The following SYNE1 variants were observed in gnomAD, a reference collection of about 807,000 sequenced individuals.
The protein encoded by SYNE1 is nesprin-1.
A neutral mutation model predicts 1,111.0 loss-of-function variants in SYNE1; 616 were observed. That is an observed-to-expected ratio of 0.55 (90% confidence interval 0.52 to 0.59). SYNE1 has a LOEUF of 0.59. SYNE1 is among the 20% of genes least tolerant of loss of function. SYNE1 has a pLI of 0.00. For missense variants in SYNE1, 10,006 were observed against 10,417.0 expected, an observed-to-expected ratio of 0.96 and a Z score of 1.72; for synonymous variants, 3,855 against 3,825.8, an observed-to-expected ratio of 1.01 and a Z score of -0.28.
chr6:152,537,500 A>G (rs9322377), intron 4 of SYNE1, among the ~76,000 whole-genome samples: 47,852 of 151,836 alleles, frequency 0.32, 7,865 homozygotes, highest in East Asian at 0.45. Context: ...GTTTTAAAAA[A>G]CAGATTGCAA....
chr6:152,459,980 ACT>A (rs34430501), intron 21 of SYNE1, among the ~76,000 whole-genome samples: 8,958 of 152,176 alleles, frequency 0.059, 880 homozygotes, highest in African/African-American at 0.2. Flanking sequence ...CTGCAACAAG[ACT>A]CTGATATAAT....
In SYNE1 at chr6:152,339,300, C is replaced by A; in HGVS notation, c.12292G>T (p.Asp4098Tyr). The change falls in exon 75 of 146, where the codon GAC becomes TAC. Residue 4098 changes from aspartate (D) to tyrosine (Y), a missense_variant. By Grantham distance (160) the Asp-to-Tyr change is radical. This residue lies in a region of SYNE1 where 4,955 missense variants were observed against 5,017.2 expected (regional missense o/e 0.99). Transcript: ENST00000367255. Reference sequence around the variant, plus strand: ...GTTTTCACCGAAGCATTTGACAGGTCACACATGGAGCAAAGGAGATCTAGG... The same window carrying A: ...GTTTTCACCGAAGCATTTGACAGGTAACACATGGAGCAAAGGAGATCTAGG... ...TYLDLLCSMC[D>Y]LSNASVKTTA... The A allele has an allele frequency of 6.2e-7, 1 of 1,614,024 alleles. No individual in the cohort carries two copies. The highest frequency in any genetic ancestry group is 1.1e-5 in the South Asian group (1 of 91,060).
At chr6:152,173,065 A>G (rs1304763816) in intron 130 of SYNE1, among the ~76,000 whole-genome samples, 1 of 152,244 alleles carries the variant, frequency 6.6e-6, no homozygotes, top group East Asian at 1.9e-4. Flanking sequence ...ACACTAGAAC[A>G]TTATTCACTG....
At chr6:152,568,906 CAAT>C (rs2099429815) in intron 3 of SYNE1, among the ~76,000 whole-genome samples, 2 of 152,182 alleles carry the variant, frequency 1.3e-5, no homozygotes, top group Non-Finnish European at 2.9e-5. Context: ...ATTTAAAAAA[CAAT>C]GAGATAAGCA....
chr6:152,558,484 A>G (rs1445619259), intron 3 of SYNE1, among the ~76,000 whole-genome samples: 1 of 152,206 alleles, frequency 6.6e-6, no homozygotes, highest in Non-Finnish European at 1.5e-5. Flanking sequence ...GTCTGAAAGT[A>G]AAGTTATGGA....
At chr6:152,260,526 T>C (rs561347359) in intron 101 of SYNE1, among the ~76,000 whole-genome samples, 10 of 152,126 alleles carry the variant, frequency 6.6e-5, no homozygotes, top group Non-Finnish European at 1.3e-4. Context: ...AGAAGCCTCC[T>C]GGCCAGAGAG....
intron 133 of SYNE1, among the ~76,000 whole-genome samples, chr6:152,154,526 T>C (rs2061016358): frequency 6.6e-6 from 1 of 151,744 alleles, no homozygotes; most frequent in Non-Finnish European, 1.5e-5. Context: ...ATGTGGAAGG[T>C]AGATTTTTAT....
At chr6:152,189,457 T>C (rs2071555043) in intron 127 of SYNE1, 50 bp from the exon 128 acceptor site, 1 of 1,590,862 alleles carries the variant, frequency 6.3e-7, no homozygotes, top group Non-Finnish European at 8.6e-7. Flanking sequence ...CTGCCAATGA[T>C]TTCTGAAGTG....
intron 3 of SYNE1, among the ~76,000 whole-genome samples, chr6:152,606,773 A>G (rs6909589): frequency 0.11 from 14,882 of 139,722 alleles, 799 homozygotes; most frequent in African/African-American, 0.17. Context: ...TCAGCCTCCC[A>G]AGTGGCTGGG....
intron 87 of SYNE1, among the ~76,000 whole-genome samples, chr6:152,312,291 C>T (rs1171456418): frequency 6.7e-6 from 1 of 149,112 alleles, no homozygotes; most frequent in Non-Finnish European, 1.5e-5. Context: ...CTCACTGCAA[C>T]CTGCATCTCC....
Position 152,122,273 on chromosome 6 carries a change from C to T in SYNE1, c.*163G>A. 1 of 1,081,282 alleles carries T rather than the reference C, an allele frequency of 9.2e-7. No homozygotes were observed. The allele number at this position is 1,081,282 out of a possible 1,614,324, so 67.0% of individuals were successfully genotyped here. ...TTCCCCCGTCACTGTTTATCTTCCA[C>T]CTCTGAAGCCATAATTTGCACACAT... On this transcript the variant is annotated 3_prime_UTR_variant, in exon 146 of 146. Coordinates refer to ENST00000367255, the MANE Select transcript of SYNE1 (RefSeq NM_182961.4).
chr6:152,308,382 T>C (rs1171223395), intron 91 of SYNE1, 107 bp downstream of exon 91: 55 of 1,515,234 alleles, frequency 3.6e-5, no homozygotes, highest in Non-Finnish European at 4.8e-5. Flanking sequence ...TTGAACACAT[T>C]AAGTGCAGGA....
chr6:152,501,736 C>T (rs887206545), intron 10 of SYNE1, among the ~76,000 whole-genome samples: 7 of 90,074 alleles, frequency 7.8e-5, no homozygotes, highest in African/African-American at 2.8e-4. Context: ...CTCCATCTCA[C>T]AAAAAAAAAA....
intron 15 of SYNE1, 53 bp downstream of exon 15, chr6:152,472,248 G>T: frequency 2.8e-6 from 4 of 1,408,890 alleles, no homozygotes; most frequent in South Asian, 1.2e-5. Flanking sequence ...TATAAAAAGC[G>T]TCCACCTAGT....
chr6:152,484,926 A>G lies in SYNE1; in HGVS notation c.1094T>C (p.Ile365Thr), dbSNP rs2098931353. The G allele has an allele frequency of 1.9e-6, 3 of 1,613,542 alleles. No individual in the cohort carries two copies. Among genetic ancestry groups the G allele is most frequent in the East Asian group, 2.2e-5 (1 of 44,830 alleles). The change falls in exon 13 of 146, where the codon ATT (isoleucine) becomes ACT (threonine). Residue 365 changes from isoleucine to threonine, a missense_variant. Ile to Thr is a moderately conservative substitution (Grantham distance 89). Coordinates refer to ENST00000367255, the MANE Select transcript of SYNE1 (RefSeq NM_182961.4). ...RVQYEMKRKQ[I>T]EHLIQPLHRD... The stretch of plus-strand genomic sequence containing the variant: ...GTGTAATGGTTGTATTAAATGTTCA[A>G]TCTGTTTCCTCTTCATTTCATATTG...
intron 18 of SYNE1, among the ~76,000 whole-genome samples, chr6:152,464,571 A>T (rs945993704): frequency 3.2e-4 from 48 of 152,222 alleles, no homozygotes; most frequent in African/African-American, 1.1e-3. Flanking sequence ...TAGATGAACC[A>T]ATCTTGGATG....
rs1178983175 is a variant in SYNE1, at chr6:152,221,002, C to T, written c.21701G>A (p.Ser7234Asn). ...LEEIAEQLQS[S>N]KALLQLWQRY... ...TTGCCAAAGCTGAAGTAGGGCCTTG[C>T]TGGACTGTAGCTGCTCAGCAATCTC... The change falls in exon 119 of 146, where the codon AGC becomes AAC. Residue 7234 changes from serine to asparagine, a missense_variant. Ser to Asn is a conservative substitution (Grantham distance 46, BLOSUM62 1). Transcript: ENST00000367255. 4 of 1,613,994 alleles carry T rather than the reference C, an allele frequency of 2.5e-6. No individual in the cohort carries two copies. The highest frequency in any genetic ancestry group is 3.4e-6 in the Non-Finnish European group (4 of 1,179,994).
In SYNE1 at chr6:152,284,610, A is replaced by ATTT. The variant is rs760978831; in HGVS notation, c.18013-441_18013-439dup. Among the ~76,000 whole-genome samples the ATTT allele has an allele frequency of 1.1e-3, 115 of 108,138 alleles. 1 individual carries two copies. Among genetic ancestry groups the ATTT allele is most frequent in the African/African-American group, 3.2e-3 (90 of 27,808 alleles). 70.9% of individuals were successfully genotyped at this position (108,138 alleles called of 152,430 possible). On this transcript the variant is annotated intron_variant, in intron 95 of 145. Transcript: ENST00000367255. ...CTGGTGTGTGCTACCACACCTGGTA[A>ATTT]TTTTTTTTTTTTTTTTTTTTTTTTT...
rs537054869 is a variant in SYNE1 at position 152,442,555 on chromosome 6, A to G, written c.3838-310T>C. ...AGTCTGGCAAAACAATTCATCTGAC[A>G]TGATTCTTCTTAAATAATTATTTTC... On this transcript the variant is annotated intron_variant, in intron 30 of 145. Coordinates refer to ENST00000367255, the MANE Select transcript of SYNE1 (RefSeq NM_182961.4). 1.5e-3 allele frequency among the ~76,000 whole-genome samples: 227 copies of G among 152,370 alleles called. 1 individual carries two copies. The highest frequency in any genetic ancestry group is 2.8e-3 in the Non-Finnish European group (191 of 68,034).
Sources: allele counts gnomAD v4.1 joint callset (sites outside exome capture counted in the v4.1 genomes callset), GRCh38; gene constraint gnomAD v4.1.1; regional missense constraint gnomAD v4.1.1; transcripts MANE v1.5; gene names NCBI Gene and HGNC (gene_info 2026-07-23, HGNC 2026-07-21).